SVOPL: variants seen among roughly 807,000 people sequenced by gnomAD.
SVOPL encodes putative transporter SVOPL.
In SVOPL, 60 loss-of-function variants were observed where a neutral mutation model predicts 61.0. The observed-to-expected ratio is 0.98, with a 90% CI of 0.80 to 1.22. The LOEUF (loss-of-function observed/expected upper bound fraction) is 1.22, where lower values mean the gene tolerates loss of function less well. Among genes scored for constraint, SVOPL ranks in the 50% most tolerant of loss-of-function variants. The probability of loss-of-function intolerance (pLI) is 0.00; values close to 1 mark genes in which losing one functional copy is unlikely to be tolerated. For synonymous variants in SVOPL, 279 were observed against 250.0 expected, an observed-to-expected ratio of 1.12 and a Z score of -1.09; for missense variants, 662 against 643.9, an observed-to-expected ratio of 1.03 and a Z score of -0.30.
intron 14 of SVOPL, among the ~76,000 whole-genome samples, chr7:138,607,289 A>G (rs1293494929): frequency 1.3e-5 from 2 of 152,236 alleles, no homozygotes; most frequent in Admixed American, 6.5e-5. Flanking sequence ...ACTGGTAACT[A>G]AAGTCATAAA....
chr7:138,611,403 CA>C (rs1191365375), intron 14 of SVOPL, among the ~76,000 whole-genome samples: 1 of 151,696 alleles, frequency 6.6e-6, no homozygotes, highest in Non-Finnish European at 1.5e-5. Flanking sequence ...CAAAACAAAA[CA>C]AAACAAAACA....
intron 9 of SVOPL, among the ~76,000 whole-genome samples, chr7:138,631,992 A>T (rs537533184): frequency 6.6e-6 from 1 of 150,616 alleles, no homozygotes; most frequent in South Asian, 2.1e-4. Context: ...ACATACACAC[A>T]CCCCTACACC....
At chr7:138,639,676 GA>G (rs1420876943) in intron 9 of SVOPL, among the ~76,000 whole-genome samples, 22 of 151,412 alleles carry the variant, frequency 1.5e-4, no homozygotes, top group Admixed American at 4.0e-4. Context: ...AAGGAAGGGG[GA>G]AAAAAATCAC....
At chr7:138,649,188 G>GA (rs58569190) in intron 7 of SVOPL, 51 bp from the exon 8 acceptor site, 1,925 of 1,275,970 alleles carry the variant, frequency 1.5e-3, no homozygotes, top group East Asian at 4.4e-3. Context: ...TTATGACAAT[G>GA]AAAAAAAAAA....
chr7:138,597,019 T>G (rs1798307085), intron 14 of SVOPL: 1 of 1,154,330 alleles, frequency 8.7e-7, no homozygotes, highest in African/African-American at 1.6e-5. Flanking sequence ...GTGTCTTGTC[T>G]CCGGTTATGG....
At chr7:138,663,592 T>A (rs1031552891) in intron 4 of SVOPL, 3 of 989,874 alleles carry the variant, frequency 3.0e-6, no homozygotes, top group Non-Finnish European at 3.6e-6. Flanking sequence ...AAAAAACTCT[T>A]CAGAACATTC....
At chr7:138,606,899 T>A (rs1169955853) in intron 14 of SVOPL, among the ~76,000 whole-genome samples, 2 of 152,014 alleles carry the variant, frequency 1.3e-5, no homozygotes, top group Non-Finnish European at 2.9e-5. Context: ...GGTTGCAGTG[T>A]GCTGGGATCA....
intron 5 of SVOPL, chr7:138,662,578 C>T: frequency 2.0e-6 from 2 of 986,756 alleles, no homozygotes; most frequent in South Asian, 9.4e-5. Context: ...TAGGGCTGCT[C>T]TGAAGGGCTA....
At chr7:138,618,266 G>C (rs988444734) in intron 14 of SVOPL, among the ~76,000 whole-genome samples, 5 of 152,150 alleles carry the variant, frequency 3.3e-5, no homozygotes, top group African/African-American at 1.2e-4. Context: ...AGTGCTTACT[G>C]TATGTCAAAC....
At chr7:138,675,542 G>A (rs111411422) in intron 3 of SVOPL, among the ~76,000 whole-genome samples, 3,144 of 152,120 alleles carry the variant, frequency 0.021, 106 homozygotes, top group African/African-American at 0.073. Flanking sequence ...TTTTAGTAGA[G>A]ATGAGGGTTT....
chr7:138,678,898 TAACC>T, intron 2 of SVOPL, 62 bp downstream of exon 2: 1 of 1,490,264 alleles, frequency 6.7e-7, no homozygotes, highest in African/African-American at 1.4e-5. Context: ...TTTTTGCATT[TAACC>T]TTAAAAAGGA....
At chr7:138,700,963 T>C (rs941189957) in intron 1 of SVOPL, among the ~76,000 whole-genome samples, 2 of 152,202 alleles carry the variant, frequency 1.3e-5, no homozygotes, top group Admixed American at 6.5e-5. Context: ...TTTGTTATAC[T>C]GATTGTTTTT....
chr7:138,620,250 A>G (rs1387664786), intron 14 of SVOPL, among the ~76,000 whole-genome samples: 1 of 148,024 alleles, frequency 6.8e-6, no homozygotes, highest in East Asian at 2.0e-4. Flanking sequence ...CCTCCTGAGT[A>G]GCTGGGACTA....
chr7:138,655,743 T>G (rs1293303012), intron 7 of SVOPL, among the ~76,000 whole-genome samples: 2 of 150,998 alleles, frequency 1.3e-5, no homozygotes, highest in Admixed American at 6.6e-5. Flanking sequence ...TATATATTCA[T>G]TTATTACTGT....
intron 7 of SVOPL, among the ~76,000 whole-genome samples, chr7:138,649,623 ACT>A (rs906397879): frequency 2.0e-5 from 3 of 151,854 alleles, no homozygotes; most frequent in African/African-American, 7.3e-5. Context: ...TCACTAAAGA[ACT>A]CTGTTACCAA....
chr7:138,656,573 A>C, intron 6 of SVOPL, 62 bp from the exon 7 acceptor site: 2 of 1,563,890 alleles, frequency 1.3e-6, no homozygotes, highest in Non-Finnish European at 8.8e-7. Context: ...CTTTTAAAAA[A>C]TAATCAGTTT....
intron 7 of SVOPL, among the ~76,000 whole-genome samples, chr7:138,651,630 ATC>A (rs1395388273): frequency 3.9e-5 from 6 of 152,208 alleles, no homozygotes; most frequent in Admixed American, 3.9e-4. Flanking sequence ...TTATTTTTGC[ATC>A]TGTTATGGTA....
intron 14 of SVOPL, among the ~76,000 whole-genome samples, chr7:138,608,765 C>A (rs140254604): frequency 6.6e-6 from 1 of 152,190 alleles, no homozygotes; most frequent in East Asian, 1.9e-4. Context: ...TTTTTATAAT[C>A]CTAGTTGCAG....
chr7:138,618,479 G>A (rs1327817667), intron 14 of SVOPL, among the ~76,000 whole-genome samples: 4 of 152,060 alleles, frequency 2.6e-5, no homozygotes, highest in Non-Finnish European at 5.9e-5. Flanking sequence ...GGCCAACATC[G>A]CGAAACCCCG....
Sources: allele counts gnomAD v4.1 joint callset (sites outside exome capture counted in the v4.1 genomes callset), GRCh38; gene constraint gnomAD v4.1.1; transcripts MANE v1.5; gene names NCBI Gene and HGNC (gene_info 2026-07-23, HGNC 2026-07-21).